MTCP1: variants seen among roughly 807,000 people sequenced by gnomAD.
MTCP1 encodes the protein protein p13 MTCP-1.
Under a neutral mutation model 10.6 loss-of-function variants are expected in MTCP1, and 2 were observed. The ratio of observed to expected loss-of-function variants is 0.19; its 90% confidence interval spans 0.08 to 0.59. The LOEUF (loss-of-function observed/expected upper bound fraction) is 0.59, where lower values mean the gene tolerates loss of function less well. Ranked by LOEUF, MTCP1 falls within the 20% of genes least tolerant of loss-of-function variation. The probability of loss-of-function intolerance (pLI) is 0.90; values close to 1 mark genes in which losing one functional copy is unlikely to be tolerated. For synonymous variants in MTCP1, 29 were observed against 34.4 expected (o/e 0.84, Z 0.55); for missense variants, 33 against 91.5 (o/e 0.36, Z 2.61).
Position 155,065,227 on chromosome X carries a change from G to A in MTCP1, c.*177C>T. 5.2e-6 allele frequency: 2 copies of A among 387,307 alleles called. No individual in the cohort carries two copies. Among genetic ancestry groups the A allele is most frequent in the Admixed American group, 4.7e-5 (1 of 21,463 alleles). 31.9% of individuals were successfully genotyped at this position (387,307 alleles called of 1,213,427 possible). A position where few individuals can be genotyped will look rare whatever the true frequency, so the allele number is the denominator to read the frequency against. Reference sequence around the variant, plus strand: ...CTTTCTGCCTACGTAACCTCTCTCTGCAGTTTCACTTGCAGTATTCTTCAT... The same window carrying A: ...CTTTCTGCCTACGTAACCTCTCTCTACAGTTTCACTTGCAGTATTCTTCAT... On this transcript the variant is annotated 3_prime_UTR_variant, in exon 5 of 5. Transcript: ENST00000369476.
rs781824354 is a variant in MTCP1 at position 155,064,818 on chromosome X, G to GC, written c.*585dup. The GC allele has an allele frequency of 8.9e-6, 1 of 112,343 alleles. No homozygotes were observed. The highest frequency in any genetic ancestry group is 2.8e-4 in the East Asian group (1 of 3,602). 9.3% of individuals were successfully genotyped at this position (112,343 alleles called of 1,213,427 possible). ...TTCAGATAGAAAAAAAGGCCCACAAGCCTTTGTAGCTAATTTCATCAATGC... is the reference window on the plus strand; with the variant it reads ...TTCAGATAGAAAAAAAGGCCCACAAGCCCTTTGTAGCTAATTTCATCAATGC... On this transcript the variant is annotated 3_prime_UTR_variant, in exon 5 of 5. Coordinates refer to ENST00000369476, the MANE Select transcript of MTCP1 (RefSeq NM_001018025.4).
chrX:155,065,810 A>G, intron 2 of MTCP1, 21 bp from the exon 3 acceptor site: 1 of 1,206,533 alleles, frequency 8.3e-7, no homozygotes, highest in African/African-American at 1.7e-5. Flanking sequence ...GGAATGATCA[A>G]AAATAAAACC....
intron 1 of MTCP1, among the ~76,000 whole-genome samples, chrX:155,067,547 T>C (rs1235922270): frequency 8.9e-6 from 1 of 112,190 alleles, no homozygotes; most frequent in Non-Finnish European, 1.9e-5. Context: ...TCCCTGGGCC[T>C]CTCTGCCTAT....
chrX:155,064,063 C>A lies in MTCP1; in HGVS notation c.*1341G>T, dbSNP rs1426980261. 7.9e-6 allele frequency: 9 copies of A among 1,137,503 alleles called. No individual in the cohort carries two copies. Among genetic ancestry groups the A allele is most frequent in the Non-Finnish European group, 9.4e-6 (8 of 849,880 alleles). The allele number at this position is 1,137,503 out of a possible 1,213,427, so 93.7% of individuals were successfully genotyped here. ...AACAAGAAAAATGATTTTTATTTTT[C>A]TTTTTTCCATAAAGACTTTAAAGCC... On this transcript the variant is annotated 3_prime_UTR_variant, in exon 5 of 5. Transcript: ENST00000369476.
intron 1 of MTCP1, among the ~76,000 whole-genome samples, chrX:155,069,024 G>A (rs2073959357): frequency 8.9e-6 from 1 of 112,118 alleles, no homozygotes; most frequent in Admixed American, 9.4e-5. Flanking sequence ...CCTTGATTTC[G>A]GGGCCAGAGA....
chrX:155,069,816 C>G (rs1401254350), intron 1 of MTCP1, among the ~76,000 whole-genome samples: 1 of 111,980 alleles, frequency 8.9e-6, no homozygotes, highest in Non-Finnish European at 1.9e-5. Context: ...TGACTACCGC[C>G]GATAACAAAC....
At chrX:155,069,076 G>A (rs896914088) in intron 1 of MTCP1, among the ~76,000 whole-genome samples, 47 of 112,720 alleles carry the variant, frequency 4.2e-4, no homozygotes, top group African/African-American at 1.5e-3. Flanking sequence ...AAGGCATTTT[G>A]TAAATTAGGT....
At chrX:155,069,161 C>T (rs1027578890) in intron 1 of MTCP1, among the ~76,000 whole-genome samples, 3 of 112,941 alleles carry the variant, frequency 2.7e-5, no homozygotes, top group Non-Finnish European at 5.6e-5. Context: ...TTTTCCTTTA[C>T]AGAATAAATT....
At chrX:155,069,778 T>C (rs889978319) in intron 1 of MTCP1, among the ~76,000 whole-genome samples, 2 of 112,222 alleles carry the variant, frequency 1.8e-5, no homozygotes, top group Non-Finnish European at 3.8e-5. Flanking sequence ...TTAGAAAAGT[T>C]AGTGAACCTC....
Position 155,064,916 on chromosome X carries a change from A to G in MTCP1, c.*488T>C, listed in dbSNP as rs1166491614. The G allele has an allele frequency of 8.6e-6, 1 of 115,927 alleles. No individual in the cohort carries two copies. Among genetic ancestry groups the G allele is most frequent in the Non-Finnish European group, 1.8e-5 (1 of 55,715 alleles). 9.6% of individuals were successfully genotyped at this position (115,927 alleles called of 1,213,427 possible). A position where few individuals can be genotyped will look rare whatever the true frequency, so the allele number is the denominator to read the frequency against. On this transcript the variant is annotated 3_prime_UTR_variant, in exon 5 of 5. Coordinates refer to ENST00000369476, the MANE Select transcript of MTCP1 (RefSeq NM_001018025.4). Reference sequence around the variant, plus strand: ...TCAGTACTGGGATGGGAAACACTGGAGCAAAACCTAGGATATTTACAGGAT... The same window carrying G: ...TCAGTACTGGGATGGGAAACACTGGGGCAAAACCTAGGATATTTACAGGAT...
chrX:155,067,442 C>G (rs974022036), intron 1 of MTCP1, among the ~76,000 whole-genome samples: 5 of 111,789 alleles, frequency 4.5e-5, no homozygotes, highest in Admixed American at 2.8e-4. Flanking sequence ...GCAGGCACTA[C>G]AACTACCACT....
intron 2 of MTCP1, 37 bp from the exon 3 acceptor site, chrX:155,065,826 C>T: frequency 1.7e-6 from 2 of 1,201,148 alleles, no homozygotes; most frequent in Non-Finnish European, 2.3e-6. Context: ...AAACCAAAGA[C>T]TTCAGAATAT....
intron 1 of MTCP1, among the ~76,000 whole-genome samples, chrX:155,068,996 T>C (rs1280149169): frequency 8.9e-6 from 1 of 112,318 alleles, no homozygotes; most frequent in Non-Finnish European, 1.9e-5. Context: ...CTAGAAGAGA[T>C]TGTCCCCATG....
chrX:155,064,156 C>T lies in MTCP1; in HGVS notation c.*1248G>A. 2.5e-6 allele frequency: 1 copy of T among 401,221 alleles called. No individual in the cohort carries two copies. 33.1% of individuals were successfully genotyped at this position (401,221 alleles called of 1,213,427 possible). ...TTACAATTGCTGGAAAATAATTACA[C>T]TAAAAATACTCTTCCCAAACATAGG... On this transcript the variant is annotated 3_prime_UTR_variant, in exon 5 of 5. Transcript: ENST00000369476.
rs1356730642 is a variant in MTCP1, at chrX:155,071,112, C to G, written c.-466G>C. On this transcript the variant is annotated 5_prime_UTR_variant, in exon 1 of 5. Coordinates refer to ENST00000369476, the MANE Select transcript of MTCP1 (RefSeq NM_001018025.4). ...GGTACTCGGGAGGCGCCTGCCCAGGCGCCCGGGCGCCGCTCACAGAGTACG... is the reference window on the plus strand; with the variant it reads ...GGTACTCGGGAGGCGCCTGCCCAGGGGCCCGGGCGCCGCTCACAGAGTACG... The G allele has an allele frequency of 9.0e-6, 1 of 110,534 alleles. No homozygotes were observed. Among genetic ancestry groups the G allele is most frequent in the African/African-American group, 3.3e-5 (1 of 30,698 alleles). 9.1% of individuals were successfully genotyped at this position (110,534 alleles called of 1,213,427 possible). A position where few individuals can be genotyped will look rare whatever the true frequency, so the allele number is the denominator to read the frequency against.
chrX:155,066,486 AAG>A (rs1257819775), intron 1 of MTCP1, among the ~76,000 whole-genome samples: 7 of 112,628 alleles, frequency 6.2e-5, no homozygotes, highest in Non-Finnish European at 1.3e-4. Flanking sequence ...CCCCAGGTAA[AAG>A]CCACTTCCAA....
In MTCP1 at chrX:155,064,929, A is replaced by T. The variant is rs2073942958; in HGVS notation, c.*475T>A. 8.6e-6 allele frequency: 1 copy of T among 116,540 alleles called. No homozygotes were observed. The highest frequency in any genetic ancestry group is 8.8e-5 in the Admixed American group (1 of 11,341). 9.6% of individuals were successfully genotyped at this position (116,540 alleles called of 1,213,427 possible). On this transcript the variant is annotated 3_prime_UTR_variant, in exon 5 of 5. Transcript: ENST00000369476. ...GGGAAACACTGGAGCAAAACCTAGG[A>T]TATTTACAGGATGGGAGAAGGAAAG...
Position 155,065,634 on chromosome X carries a change from T to G in MTCP1, c.261A>C (p.Ile87=). 1 of 1,211,576 alleles carries G rather than the reference T, an allele frequency of 8.3e-7. No homozygotes were observed. The highest frequency in any genetic ancestry group is 1.1e-6 in the Non-Finnish European group (1 of 895,275). ...ACATGTGTACCATTAAATGATGCTG[T>G]ATCTGCCACAAGCGAGAGTTGTTAT... ...YMDNNSRLWQ[I]QHHLMVRGVQ... The change falls in exon 3 of 5, where the codon ATA becomes ATC. Residue 87 remains isoleucine, a synonymous_variant. Coordinates refer to ENST00000369476, the MANE Select transcript of MTCP1 (RefSeq NM_001018025.4).
intron 1 of MTCP1, among the ~76,000 whole-genome samples, chrX:155,067,157 T>TA (rs1169068468): frequency 9.0e-6 from 1 of 111,669 alleles, no homozygotes; most frequent in East Asian, 2.8e-4. Flanking sequence ...GGGTGGTTGT[T>TA]AGAGTCCTCA....
Sources: allele counts gnomAD v4.1 joint callset (sites outside exome capture counted in the v4.1 genomes callset), GRCh38; gene constraint gnomAD v4.1.1; transcripts MANE v1.5; gene names NCBI Gene and HGNC (gene_info 2026-07-23, HGNC 2026-07-21).